The following TLE3 variants were observed in gnomAD, a reference collection of about 807,000 sequenced individuals.
TLE3 encodes TLE family member 3, transcriptional corepressor, also known as transducin-like enhancer protein 3.
In TLE3, 14 loss-of-function variants were observed where a neutral mutation model predicts 93.0. The ratio of observed to expected loss-of-function variants is 0.15; its 90% CI spans 0.10 to 0.24. The LOEUF is 0.24. Among genes scored for constraint, TLE3 ranks in the 10% least tolerant of loss-of-function variants. TLE3 has a pLI of 1.00. For missense variants in TLE3, 693 were observed against 1,046.6 expected, an observed-to-expected ratio of 0.66 and a Z score of 4.66; for synonymous variants, 451 against 425.0, an observed-to-expected ratio of 1.06 and a Z score of -0.75.
At chr15:70,081,186 T>G (rs1424368608) in intron 4 of TLE3, among the ~76,000 whole-genome samples, 1 of 152,224 alleles carries the variant, frequency 6.6e-6, no homozygotes, top group Non-Finnish European at 1.5e-5. Flanking sequence ...GGCATTAATT[T>G]CGTTGTCTGC....
At position 70,055,162 on chromosome 15, in the gene TLE3, C is replaced by T; in HGVS notation, c.1465G>A (p.Val489Met). The T allele has an allele frequency of 1.9e-6, 3 of 1,614,118 alleles. No homozygotes were observed. The highest frequency in any genetic ancestry group is 1.7e-5 in the Admixed American group (1 of 60,022). ...TGCCTCGTGGGGTTGCTGATGGTCA[C>T]GGCACACACCACCTCCCCGTGGCTG... ...TLSHGEVVCA[V>M]TISNPTRHVY... is the part of the protein sequence containing the mutation. Residue 489 changes from valine (V) to methionine (M), a missense_variant, in exon 15 of 20, where the codon GTG becomes ATG. By Grantham distance (21) the Val-to-Met change is conservative. Transcript: ENST00000451782.
Position 70,058,480 on chromosome 15 carries a change from C to A in TLE3, c.918+183G>T. 2 of 1,280,910 alleles carry A rather than the reference C, an allele frequency of 1.6e-6. No homozygotes were observed. The highest frequency in any genetic ancestry group is 2.1e-6 in the Non-Finnish European group (2 of 942,068). The allele number at this position is 1,280,910 out of a possible 1,614,324, so 79.3% of individuals were successfully genotyped here. On this transcript the variant is annotated intron_variant, in intron 11 of 19. Transcript: ENST00000451782. This position sits in a 1 kb window ranked among gnomAD's most constrained non-coding sequence, Gnocchi z 4.1. The stretch of plus-strand genomic sequence containing the variant: ...GGGGTGATCACTCCCATTTTACAGA[C>A]GTAGCAACCGAGGCTCAGAAACGTT...
At position 70,054,699 on chromosome 15, in the gene TLE3, G is replaced by A. The variant is rs774781534; in HGVS notation, c.1579-14C>T. The A allele has an allele frequency of 3.2e-6, 5 of 1,566,114 alleles. No homozygotes were observed. Among genetic ancestry groups the A allele is most frequent in the African/African-American group, 2.7e-5 (2 of 73,990 alleles). On this transcript the variant is annotated splice_polypyrimidine_tract_variant and intron_variant, in intron 15 of 19. Coordinates refer to ENST00000451782, the MANE Select transcript of TLE3 (RefSeq NM_001105192.3). The stretch of plus-strand genomic sequence containing the variant: ...ATTGTCCCTGTTCTGGAGGGAGAAG[G>A]GGCAGGGCTGAGTGCTGCCTACTTC...
chr15:70,054,374 A>G (rs1159756898), intron 16 of TLE3, 64 bp downstream of exon 16: 7 of 1,563,154 alleles, frequency 4.5e-6, no homozygotes, highest in African/African-American at 1.3e-5. Context: ...AGCAAACAAG[A>G]CCAGGCAGGA....
chr15:70,067,637 G>T (rs1436516167), intron 6 of TLE3, among the ~76,000 whole-genome samples: 7 of 152,206 alleles, frequency 4.6e-5, no homozygotes, highest in African/African-American at 7.2e-5. Flanking sequence ...TCTGGCAACC[G>T]CGAACAGATA....
At chr15:70,070,842 A>T (rs1248694009) in intron 6 of TLE3, among the ~76,000 whole-genome samples, 1 of 152,056 alleles carries the variant, frequency 6.6e-6, no homozygotes, top group Non-Finnish European at 1.5e-5. Flanking sequence ...GCTCATCCAC[A>T]TCCTGGAGTG....
At chr15:70,066,251 T>C (rs775042714) in intron 6 of TLE3, 33 bp from the exon 7 acceptor site, 72 of 1,467,836 alleles carry the variant, frequency 4.9e-5, no homozygotes, top group African/African-American at 7.2e-5. Context: ...TACAGCTGAG[T>C]TGGGGAGGGC....
intron 8 of TLE3, among the ~76,000 whole-genome samples, chr15:70,063,273 T>C (rs993257612): frequency 6.6e-6 from 1 of 152,230 alleles, no homozygotes; most frequent in African/African-American, 2.4e-5. Context: ...GGCCTCCGCC[T>C]ATCTAGGCAA....
At chr15:70,075,971 C>T (rs1487772060) in intron 5 of TLE3, 125 bp downstream of exon 5, 1 of 846,738 alleles carries the variant, frequency 1.2e-6, no homozygotes, top group Non-Finnish European at 1.9e-6. Flanking sequence ...GTTGTCAGCT[C>T]AGTCAGTATG....
At chr15:70,050,501 A>G (rs2055421670) in intron 19 of TLE3, 1 of 221,270 alleles carries the variant, frequency 4.5e-6, no homozygotes, top group Admixed American at 5.1e-5. Context: ...AATGATCAGA[A>G]CAGGACGCTT....
Position 70,097,105 on chromosome 15 carries a change from G to A in TLE3, c.-307C>T, listed in dbSNP as rs1034515660. 49 of 465,930 alleles carry A rather than the reference G, an allele frequency of 1.1e-4. No individual in the cohort carries two copies. In the East Asian group the frequency reaches 1.8e-3, roughly 17 times the overall value. The allele number at this position is 465,930 out of a possible 1,614,324, so 28.9% of individuals were successfully genotyped here. On this transcript the variant is annotated 5_prime_UTR_variant, in exon 1 of 20. Coordinates refer to ENST00000451782, the MANE Select transcript of TLE3 (RefSeq NM_001105192.3). The stretch of plus-strand genomic sequence containing the variant: ...CCGCCTTCCCTGGGCTGCGTCGAGC[G>A]CGTCAATGCCTGGGACTGCGCGGAC...
intron 5 of TLE3, 35 bp from the exon 6 acceptor site, chr15:70,074,642 C>A (rs757526123): frequency 6.4e-7 from 1 of 1,570,642 alleles, no homozygotes; most frequent in Non-Finnish European, 8.7e-7. Flanking sequence ...GATGCAGCCA[C>A]TTTCCTGGAC....
At chr15:70,059,523 G>A in intron 9 of TLE3, 63 bp from the exon 10 acceptor site, 1 of 1,516,222 alleles carries the variant, frequency 6.6e-7, no homozygotes, top group Non-Finnish European at 9.0e-7. Context: ...CCCTGACTGA[G>A]CCCAAACCAC....
intron 5 of TLE3, among the ~76,000 whole-genome samples, chr15:70,075,625 T>C (rs1342432538): frequency 6.6e-6 from 1 of 152,196 alleles, no homozygotes; most frequent in Non-Finnish European, 1.5e-5. Context: ...GGGGCTTCTT[T>C]GCAGGCATTT....
At position 70,066,189 on chromosome 15, in the gene TLE3, G is replaced by T; in HGVS notation, c.402C>A (p.Ser134=). 6.5e-7 allele frequency: 1 copy of T among 1,543,898 alleles called. No homozygotes were observed. Among genetic ancestry groups the T allele is most frequent in the Non-Finnish European group, 8.7e-7 (1 of 1,146,654 alleles). ...GQQQLQAQHL[S]HATHGPPVQL... ...GGACCGGGGGGCCGTGTGTGGCATG[G>T]GAGAGGTGCTGCGCCTGGAGCTGCT... The change falls in exon 7 of 20, where the codon TCC becomes TCA. Residue 134 remains serine, a synonymous_variant. Transcript: ENST00000451782.
At position 70,081,096 on chromosome 15, in the gene TLE3, C is replaced by T. The variant is rs143843458; in HGVS notation, c.235-4938G>A. On this transcript the variant is annotated intron_variant, in intron 4 of 19. Transcript: ENST00000451782. ...AAGAGTGTGTTATGCTCCAACGCCA[C>T]GCAGAGATGAGCTGGCTTCTACCTC... is the stretch of plus-strand genomic sequence containing the variant. 2.0e-4 allele frequency among the ~76,000 whole-genome samples: 31 copies of T among 152,248 alleles called. No homozygotes were observed. In the East Asian group the frequency reaches 4.8e-3, roughly 24 times the overall value.
intron 4 of TLE3, 109 bp from the exon 5 acceptor site, chr15:70,076,267 G>C: frequency 1.0e-6 from 1 of 992,054 alleles, no homozygotes; most frequent in Non-Finnish European, 1.6e-6. Flanking sequence ...CCCTCTCCAC[G>C]GGGCTCCATC....
At chr15:70,085,091 T>G (rs2057980831) in intron 4 of TLE3, among the ~76,000 whole-genome samples, 1 of 152,352 alleles carries the variant, frequency 6.6e-6, no homozygotes, top group Admixed American at 6.5e-5. Context: ...GCTGCCTTAC[T>G]GAAGAGTGCA....
intron 6 of TLE3, among the ~76,000 whole-genome samples, chr15:70,070,128 A>T (rs1161245995): frequency 6.6e-6 from 1 of 152,232 alleles, no homozygotes; most frequent in Non-Finnish European, 1.5e-5. Flanking sequence ...CTAACCCCAA[A>T]GAGGCGCTAG....
Sources: gnomAD v4.1 joint callset for allele counts (sites outside exome capture counted in the v4.1 genomes callset) on GRCh38, gnomAD v4.1.1 for gene constraint, Gnocchi (gnomAD v3.1) non-coding constraint, MANE v1.5 for transcripts, NCBI Gene and HGNC (gene_info 2026-07-23, HGNC 2026-07-21) for gene names.